Variants in SLAIN1 observed in about 807,000 individuals in gnomAD.
The protein encoded by SLAIN1 is SLAIN motif-containing protein 1.
SLAIN1 carries 17 observed loss-of-function variants against 55.4 expected under a neutral mutation model. The observed-to-expected ratio is 0.31, with a 90% confidence interval of 0.21 to 0.46. The LOEUF is 0.46. SLAIN1 is among the 20% of genes least tolerant of loss of function. The pLI, the probability that SLAIN1 is intolerant of heterozygous loss-of-function variation, is 1.00. For synonymous variants in SLAIN1, 348 were observed against 337.4 expected, an observed-to-expected ratio of 1.03 and a Z score of -0.35; for missense variants, 682 against 785.1, an observed-to-expected ratio of 0.87 and a Z score of 1.57.
chr13:77,703,884 AAAAATT>A (rs1462050309), intron 1 of SLAIN1, among the ~76,000 whole-genome samples: 5 of 141,878 alleles, frequency 3.5e-5, no homozygotes, highest in Non-Finnish European at 7.6e-5. Context: ...TCTAAAAAAA[AAAAATT>A]ATATATATAT....
At chr13:77,745,284 G>A (rs1370276437) in intron 3 of SLAIN1, among the ~76,000 whole-genome samples, 1 of 151,778 alleles carries the variant, frequency 6.6e-6, no homozygotes, top group Non-Finnish European at 1.5e-5. Flanking sequence ...TAAAATGAGT[G>A]GATTATATCA....
chr13:77,730,472 G>C (rs1021769218), intron 2 of SLAIN1, among the ~76,000 whole-genome samples: 1 of 152,160 alleles, frequency 6.6e-6, no homozygotes, highest in African/African-American at 2.4e-5. Context: ...AATTTCTTAT[G>C]TGACTAATGT....
chr13:77,758,400 A>G (rs893015169), intron 5 of SLAIN1, among the ~76,000 whole-genome samples: 1 of 151,564 alleles, frequency 6.6e-6, no homozygotes, highest in African/African-American at 2.4e-5. Context: ...CTGATTATTT[A>G]TTTTGGTGTG....
intron 1 of SLAIN1, among the ~76,000 whole-genome samples, chr13:77,707,019 G>A (rs889223719): frequency 2.0e-5 from 3 of 151,094 alleles, no homozygotes; most frequent in East Asian, 3.9e-4. Context: ...CTGGACATTC[G>A]TGCACACTTT....
At chr13:77,726,912 A>G (rs1163408378) in intron 2 of SLAIN1, among the ~76,000 whole-genome samples, 1 of 152,238 alleles carries the variant, frequency 6.6e-6, no homozygotes, top group East Asian at 1.9e-4. Flanking sequence ...ATATTTGTAA[A>G]TTAGATGAGA....
At chr13:77,727,858 T>C (rs1026529821) in intron 2 of SLAIN1, among the ~76,000 whole-genome samples, 1 of 152,228 alleles carries the variant, frequency 6.6e-6, no homozygotes, top group Non-Finnish European at 1.5e-5. Flanking sequence ...TGTGGAGTAC[T>C]ACATATACAG....
intron 4 of SLAIN1, among the ~76,000 whole-genome samples, chr13:77,751,067 G>A (rs936657776): frequency 6.6e-6 from 1 of 152,068 alleles, no homozygotes; most frequent in African/African-American, 2.4e-5. Context: ...GAAGAGCTGA[G>A]TTTGATTTTG....
intron 2 of SLAIN1, among the ~76,000 whole-genome samples, chr13:77,738,541 A>G (rs1198210002): frequency 6.6e-6 from 1 of 151,960 alleles, no homozygotes; most frequent in Non-Finnish European, 1.5e-5. Flanking sequence ...TGCATTAAGT[A>G]TTTTTCCTAA....
At chr13:77,730,777 T>A (rs1001282153) in intron 2 of SLAIN1, among the ~76,000 whole-genome samples, 9 of 152,200 alleles carry the variant, frequency 5.9e-5, no homozygotes, top group Non-Finnish European at 1.0e-4. Flanking sequence ...CTTGTGTATA[T>A]GTATTTGCAT....
intron 6 of SLAIN1, among the ~76,000 whole-genome samples, chr13:77,761,336 C>T (rs1875004950): frequency 6.6e-6 from 1 of 152,158 alleles, no homozygotes; most frequent in Non-Finnish European, 1.5e-5. Flanking sequence ...ACTATCACTC[C>T]TAAGACGCTC....
At chr13:77,757,498 T>C (rs1566249947) in intron 5 of SLAIN1, among the ~76,000 whole-genome samples, 1 of 151,968 alleles carries the variant, frequency 6.6e-6, no homozygotes, top group Non-Finnish European at 1.5e-5. Flanking sequence ...GGATAAGTTA[T>C]TTAGTGGTGA....
intron 2 of SLAIN1, chr13:77,743,115 C>T (rs908842219): frequency 7.7e-7 from 1 of 1,303,004 alleles, no homozygotes; most frequent in African/African-American, 1.5e-5. Flanking sequence ...ATTAATACTC[C>T]CAGCTTCTCT....
At chr13:77,741,061 A>C in intron 2 of SLAIN1, 1 of 663,292 alleles carries the variant, frequency 1.5e-6, no homozygotes, top group South Asian at 6.7e-5. Context: ...TCAATTGTGC[A>C]GGGAGGCTGG....
chr13:77,749,244 C>T (rs1342152844), intron 4 of SLAIN1, among the ~76,000 whole-genome samples: 1 of 152,142 alleles, frequency 6.6e-6, no homozygotes, highest in Non-Finnish European at 1.5e-5. Context: ...GTAGTTCCTA[C>T]ACTGCCTAGA....
intron 3 of SLAIN1, 88 bp downstream of exon 3, chr13:77,744,520 A>C: frequency 1.9e-6 from 3 of 1,588,666 alleles, no homozygotes; most frequent in Non-Finnish European, 1.7e-6. Flanking sequence ...TCTCCAGGTA[A>C]TGGGCAAATA....
At chr13:77,752,602 A>T (rs1045560255) in intron 4 of SLAIN1, among the ~76,000 whole-genome samples, 1 of 152,148 alleles carries the variant, frequency 6.6e-6, no homozygotes, top group Admixed American at 6.5e-5. Context: ...GCTGTCTGCA[A>T]GCTGAGGAGC....
intron 2 of SLAIN1, chr13:77,743,008 T>A: frequency 7.8e-7 from 1 of 1,287,114 alleles, no homozygotes; most frequent in Non-Finnish European, 1.0e-6. Flanking sequence ...TTTCTGCTTC[T>A]GTGACAGCTA....
In SLAIN1 at chr13:77,753,318, G is replaced by A. The variant is rs756907909; in HGVS notation, c.1374G>A (p.Leu458=). 1.2e-6 allele frequency: 2 copies of A among 1,611,246 alleles called. No individual in the cohort carries two copies. The highest frequency in any genetic ancestry group is 2.7e-5 in the African/African-American group (2 of 74,760). ...VRNSQSFDSS[L]HGAGNGISRI... Reference sequence around the variant, plus strand: ...ATAGTCAGAGTTTTGACTCAAGCTTGCATGGAGCTGGAAATGGAATTTCAA... The same window carrying A: ...ATAGTCAGAGTTTTGACTCAAGCTTACATGGAGCTGGAAATGGAATTTCAA... Residue 458 remains leucine (L), a synonymous_variant, in exon 5 of 7, where the codon TTG becomes TTA. Coordinates refer to ENST00000418532, the MANE Select transcript of SLAIN1 (RefSeq NM_001242868.2).
intron 2 of SLAIN1, among the ~76,000 whole-genome samples, chr13:77,720,415 A>G (rs528584256): frequency 2.3e-4 from 35 of 152,228 alleles, no homozygotes; most frequent in African/African-American, 8.4e-4. Flanking sequence ...TTAAAGAATG[A>G]TACTGTTTGA....
Sources: gnomAD v4.1 joint callset for allele counts (sites outside exome capture counted in the v4.1 genomes callset) on GRCh38, gnomAD v4.1.1 for gene constraint, MANE v1.5 for transcripts, NCBI Gene and HGNC (gene_info 2026-07-23, HGNC 2026-07-21) for gene names.